Variants in CDH18 observed in about 807,000 individuals in gnomAD.
CDH18 encodes the protein cadherin 18.
A neutral mutation model predicts 67.9 loss-of-function variants in CDH18; 31 were observed. The observed-to-expected ratio is 0.46, with a 90% confidence interval of 0.34 to 0.62. The LOEUF (loss-of-function observed/expected upper bound fraction) is 0.62. Ranked by LOEUF, CDH18 falls within the 20% of genes least tolerant of loss-of-function variation. The probability of loss-of-function intolerance (pLI) is 0.01; values close to 1 mark genes in which losing one functional copy is unlikely to be tolerated. For missense variants in CDH18, 890 were observed against 975.5 expected, an observed-to-expected ratio of 0.91 and a Z score of 1.17; for synonymous variants, 362 against 347.2, an observed-to-expected ratio of 1.04 and a Z score of -0.48.
intron 2 of CDH18, among the ~76,000 whole-genome samples, chr5:20,219,514 T>C (rs1479951616): frequency 4.6e-5 from 4 of 87,768 alleles, no homozygotes; most frequent in Non-Finnish European, 8.6e-5. Flanking sequence ...ACTAAAGACA[T>C]GTCAAAAAAA....
chr5:19,808,039 C>T (rs1409960564), intron 3 of CDH18, among the ~76,000 whole-genome samples: 5 of 151,752 alleles, frequency 3.3e-5, no homozygotes, highest in East Asian at 3.9e-4. Flanking sequence ...AAAATAAACT[C>T]GATTATAGTC....
chr5:19,923,282 C>T (rs1376055640), intron 2 of CDH18, among the ~76,000 whole-genome samples: 2 of 152,146 alleles, frequency 1.3e-5, no homozygotes, highest in Non-Finnish European at 2.9e-5. Flanking sequence ...AACCCTGAGA[C>T]TTTTACATTT....
At chr5:20,075,745 G>A (rs1743872413) in intron 2 of CDH18, among the ~76,000 whole-genome samples, 1 of 152,160 alleles carries the variant, frequency 6.6e-6, no homozygotes, top group Non-Finnish European at 1.5e-5. Context: ...CAAGGTCTGT[G>A]CATTTTCTAA....
chr5:19,906,266 A>G (rs2150126129), intron 2 of CDH18, among the ~76,000 whole-genome samples: 1 of 152,050 alleles, frequency 6.6e-6, no homozygotes, highest in South Asian at 2.1e-4. Context: ...TTTAAAAAGG[A>G]GCCTTCGAAT....
At chr5:20,538,005 G>C (rs1449683767) in intron 1 of CDH18, among the ~76,000 whole-genome samples, 1 of 152,100 alleles carries the variant, frequency 6.6e-6, no homozygotes, top group Admixed American at 6.6e-5. Context: ...ATTTTAGAGA[G>C]TTAAATTTGC....
intron 5 of CDH18, among the ~76,000 whole-genome samples, chr5:19,639,293 G>A (rs781106197): frequency 2.6e-5 from 4 of 152,074 alleles, no homozygotes; most frequent in Non-Finnish European, 4.4e-5. Context: ...GAGCCACCGC[G>A]CCCGGCCTGA....
chr5:20,131,465 A>G (rs1162379109), intron 2 of CDH18, among the ~76,000 whole-genome samples: 1 of 152,098 alleles, frequency 6.6e-6, no homozygotes, highest in Non-Finnish European at 1.5e-5. Context: ...GTTTTTACTT[A>G]TATTAGAGTA....
At chr5:20,467,253 T>A (rs1254457482) in intron 1 of CDH18, among the ~76,000 whole-genome samples, 1 of 152,010 alleles carries the variant, frequency 6.6e-6, no homozygotes, top group Non-Finnish European at 1.5e-5. Flanking sequence ...GAGTGGTAAA[T>A]AAGGCTGCCC....
At chr5:19,664,353 T>C (rs1352765256) in intron 5 of CDH18, among the ~76,000 whole-genome samples, 1 of 151,916 alleles carries the variant, frequency 6.6e-6, no homozygotes, top group Non-Finnish European at 1.5e-5. Context: ...TCATCACCCC[T>C]GTAATTTGTG....
chr5:20,116,208 C>A (rs1747895022), intron 2 of CDH18, among the ~76,000 whole-genome samples: 1 of 152,192 alleles, frequency 6.6e-6, no homozygotes, highest in African/African-American at 2.4e-5. Context: ...TCAGAATGTA[C>A]ACTTTGCTCT....
chr5:19,609,148 A>G (rs1748554273), intron 6 of CDH18, among the ~76,000 whole-genome samples: 1 of 152,012 alleles, frequency 6.6e-6, no homozygotes, highest in African/African-American at 2.4e-5. Flanking sequence ...TTAATGAAAG[A>G]ACACACACTA....
chr5:20,263,310 T>C (rs1744801039), intron 1 of CDH18, among the ~76,000 whole-genome samples: 1 of 152,116 alleles, frequency 6.6e-6, no homozygotes, highest in South Asian at 2.1e-4. Flanking sequence ...AAAAAAAATG[T>C]GATTGCTTAA....
intron 1 of CDH18, among the ~76,000 whole-genome samples, chr5:20,389,896 C>T (rs928382804): frequency 1.3e-5 from 2 of 152,074 alleles, no homozygotes; most frequent in Non-Finnish European, 2.9e-5. Flanking sequence ...GAAACAATTC[C>T]CTATTTAATA....
intron 8 of CDH18, among the ~76,000 whole-genome samples, chr5:19,559,383 T>TA (rs1398231781): frequency 4.6e-5 from 7 of 152,012 alleles, no homozygotes; most frequent in Non-Finnish European, 8.8e-5. Context: ...CACGAGTCAA[T>TA]AAATGTGGTA....
intron 2 of CDH18, among the ~76,000 whole-genome samples, chr5:20,082,929 T>C (rs1462645804): frequency 6.6e-6 from 1 of 152,196 alleles, no homozygotes; most frequent in Non-Finnish European, 1.5e-5. Flanking sequence ...ATTTTGGACT[T>C]GTACCCTTTG....
At chr5:19,934,085 T>C (rs1193007325) in intron 2 of CDH18, among the ~76,000 whole-genome samples, 1 of 151,252 alleles carries the variant, frequency 6.6e-6, no homozygotes, top group Non-Finnish European at 1.5e-5. Context: ...TTTCCCCACT[T>C]GTAAATCCTA....
chr5:20,357,268 A>T (rs1469804579), intron 1 of CDH18, among the ~76,000 whole-genome samples: 3 of 152,146 alleles, frequency 2.0e-5, no homozygotes, highest in Non-Finnish European at 4.4e-5. Context: ...TCTCCTTAAA[A>T]GTAGGAGAGG....
chr5:20,242,620 A>ATATACACATG (rs1743043707), intron 2 of CDH18, among the ~76,000 whole-genome samples: 44 of 68,870 alleles, frequency 6.4e-4, no homozygotes, highest in African/African-American at 2.6e-3. Flanking sequence ...AAATATATAT[A>ATATACACATG]TATATATATA....
chr5:19,921,687 A>G (rs192541273), intron 2 of CDH18, among the ~76,000 whole-genome samples: 4 of 152,306 alleles, frequency 2.6e-5, no homozygotes, highest in Admixed American at 6.5e-5. Flanking sequence ...ATGAGATTTT[A>G]CCAATAAAGA....
Sources: allele counts gnomAD v4.1 joint callset (sites outside exome capture counted in the v4.1 genomes callset), GRCh38; gene constraint gnomAD v4.1.1; transcripts MANE v1.5; gene names NCBI Gene and HGNC (gene_info 2026-07-23, HGNC 2026-07-21).